The following VPS13D variants were observed in gnomAD, a reference collection of about 807,000 sequenced individuals.
VPS13D encodes intermembrane lipid transfer protein VPS13D.
VPS13D carries 187 observed loss-of-function variants against 461.9 expected under a neutral mutation model. The observed-to-expected ratio is 0.40, with a 90% CI of 0.36 to 0.46. The LOEUF is 0.46. VPS13D is among the 20% of genes least tolerant of loss of function. The pLI is 0.60. For missense variants in VPS13D, 4,711 were observed against 5,364.9 expected (o/e 0.88, Z 3.81); for synonymous variants, 1,951 against 1,986.3 (o/e 0.98, Z 0.47).
chr1:12,237,338 A>G (rs1640186542), intron 2 of VPS13D, among the ~76,000 whole-genome samples: 1 of 150,600 alleles, frequency 6.6e-6, no homozygotes, highest in Admixed American at 6.6e-5. Flanking sequence ...AAAAAAAAAA[A>G]AAAAATTAGC....
At chr1:12,300,539 C>T (rs1642396647) in intron 25 of VPS13D, among the ~76,000 whole-genome samples, 2 of 152,110 alleles carry the variant, frequency 1.3e-5, no homozygotes, top group African/African-American at 4.8e-5. Flanking sequence ...CATTAATTCG[C>T]TTAGGATTAT....
rs929353651 is a variant in VPS13D at position 12,473,561 on chromosome 1, G to A, written c.12662+13165G>A. Among the ~76,000 whole-genome samples the A allele has an allele frequency of 9.9e-5, 15 of 152,230 alleles. No individual in the cohort carries two copies. The highest frequency in any genetic ancestry group is 6.2e-4 in the South Asian group (3 of 4,814). ...TTCCTTTGAGTCATATGCCTACCTCGGTGGGTGGTTACGTGGATTAAATTA... is the reference window on the plus strand; with the variant it reads ...TTCCTTTGAGTCATATGCCTACCTCAGTGGGTGGTTACGTGGATTAAATTA... On this transcript the variant is annotated intron_variant, in intron 67 of 69. Coordinates refer to ENST00000620676, the MANE Select transcript of VPS13D (RefSeq NM_015378.4). The surrounding 1 kb of genome is among the most constrained non-coding windows in gnomAD (Gnocchi z 4.2).
At chr1:12,441,771 C>G (rs1275453360) in intron 65 of VPS13D, among the ~76,000 whole-genome samples, 3 of 152,148 alleles carry the variant, frequency 2.0e-5, no homozygotes, top group Non-Finnish European at 4.4e-5. Flanking sequence ...TCTGTTTAAG[C>G]GATAGCAGTC....
chr1:12,267,770 G>T, intron 14 of VPS13D, 75 bp from the exon 15 acceptor site: 2 of 1,301,646 alleles, frequency 1.5e-6, no homozygotes, highest in Non-Finnish European at 2.2e-6. Flanking sequence ...GTTGCTGAAG[G>T]GTAAGATGGG....
intron 49 of VPS13D, 131 bp downstream of exon 49, chr1:12,356,655 A>G (rs1643888306): frequency 1.7e-6 from 2 of 1,200,540 alleles, no homozygotes; most frequent in Admixed American, 6.0e-5. Context: ...GGGGAATAGA[A>G]CCATGACCTA....
chr1:12,499,207 G>A (rs974588441), intron 68 of VPS13D, among the ~76,000 whole-genome samples: 1 of 152,138 alleles, frequency 6.6e-6, no homozygotes, highest in Admixed American at 6.5e-5. Context: ...TGGCAGCCCT[G>A]TGAGGCTGGG....
At chr1:12,262,769 T>C (rs1641150672) in intron 13 of VPS13D, among the ~76,000 whole-genome samples, 1 of 151,888 alleles carries the variant, frequency 6.6e-6, no homozygotes, top group Non-Finnish European at 1.5e-5. Context: ...AGTGGCATGA[T>C]CTTGGCTCAC....
intron 29 of VPS13D, among the ~76,000 whole-genome samples, chr1:12,313,661 A>C (rs1642816424): frequency 6.6e-6 from 1 of 152,098 alleles, no homozygotes; most frequent in Non-Finnish European, 1.5e-5. Context: ...GAAGAGTATT[A>C]TTTGTTCCCA....
chr1:12,456,190 A>G, intron 66 of VPS13D, 60 bp downstream of exon 66: 1 of 1,548,808 alleles, frequency 6.5e-7, no homozygotes, highest in Non-Finnish European at 8.7e-7. Context: ...CCTTTGTATC[A>G]ATCTGATTGC....
rs147332908 is a variant in VPS13D at position 12,458,095 on chromosome 1, T to G, written c.12466+1965T>G. 4.6e-3 allele frequency among the ~76,000 whole-genome samples: 694 copies of G among 152,232 alleles called. 2 individuals carry two copies. The highest frequency in any genetic ancestry group is 8.3e-3 in the Non-Finnish European group (563 of 68,020). On this transcript the variant is annotated intron_variant, in intron 66 of 69. Coordinates refer to ENST00000620676, the MANE Select transcript of VPS13D (RefSeq NM_015378.4). ...GCATGATTGGTTCAAAGTTGCAAAATCACCTCCCATCAAGAATCATTCCTA... is the reference window on the plus strand; with the variant it reads ...GCATGATTGGTTCAAAGTTGCAAAAGCACCTCCCATCAAGAATCATTCCTA...
intron 37 of VPS13D, 151 bp from the exon 38 acceptor site, chr1:12,333,075 T>A (rs1643370688): frequency 2.3e-6 from 2 of 886,576 alleles, no homozygotes; most frequent in Non-Finnish European, 3.4e-6. Context: ...GACCTGTAGC[T>A]AAAGGTGGTT....
At chr1:12,418,603 T>C (rs1644824768) in intron 65 of VPS13D, among the ~76,000 whole-genome samples, 1 of 152,184 alleles carries the variant, frequency 6.6e-6, no homozygotes, top group Non-Finnish European at 1.5e-5. Context: ...TTCCTCACTG[T>C]GGAATAGAAA....
At position 12,356,099 on chromosome 1, in the gene VPS13D, A is replaced by G. The variant is rs200314814; in HGVS notation, c.9871+9A>G. ...GCTGATTAACAAAACAGGTACATAC[A>G]GGGGCTGCTCAAGTAGGTCTTTGGC... is the stretch of plus-strand genomic sequence containing the variant. On this transcript the variant is annotated intron_variant, in intron 48 of 69. Coordinates refer to ENST00000620676, the MANE Select transcript of VPS13D (RefSeq NM_015378.4). 1.4e-4 allele frequency: 225 copies of G among 1,594,344 alleles called. No individual in the cohort carries two copies. The highest frequency in any genetic ancestry group is 1.8e-4 in the Non-Finnish European group (209 of 1,167,970).
chr1:12,427,731 A>T (rs915555110), intron 65 of VPS13D, among the ~76,000 whole-genome samples: 7 of 152,146 alleles, frequency 4.6e-5, no homozygotes, highest in African/African-American at 1.7e-4. Flanking sequence ...ATGTCCAGGA[A>T]CCAGTTCCCA....
chr1:12,337,911 C>T lies in VPS13D; in HGVS notation c.8552-320C>T, dbSNP rs577749531. The stretch of plus-strand genomic sequence containing the variant: ...TTTTTAATGCCATTTAAGAACATAA[C>T]ACCTTTAAATTAAAAATCTTCAAAA... On this transcript the variant is annotated intron_variant, in intron 39 of 69. Transcript: ENST00000620676. 51 of 213,508 alleles carry T rather than the reference C, an allele frequency of 2.4e-4. No homozygotes were observed. In the South Asian group the frequency reaches 4.6e-3, roughly 19 times the overall value. 13.2% of individuals were successfully genotyped at this position (213,508 alleles called of 1,614,324 possible). A position where few individuals can be genotyped will look rare whatever the true frequency, so the allele number is the denominator to read the frequency against.
chr1:12,295,351 A>G (rs1265922862), intron 24 of VPS13D, among the ~76,000 whole-genome samples: 2 of 152,162 alleles, frequency 1.3e-5, no homozygotes, highest in Non-Finnish European at 2.9e-5. Context: ...CTTGGTAGAT[A>G]TTGATTTGGT....
intron 68 of VPS13D, among the ~76,000 whole-genome samples, chr1:12,503,554 A>G (rs1646062798): frequency 1.3e-5 from 2 of 152,214 alleles, no homozygotes; most frequent in Non-Finnish European, 2.9e-5. Flanking sequence ...AGAATCAATT[A>G]TAGTATCTAC....
intron 42 of VPS13D, among the ~76,000 whole-genome samples, chr1:12,343,417 G>A (rs906495234): frequency 2.0e-5 from 3 of 152,000 alleles, no homozygotes; most frequent in Non-Finnish European, 4.4e-5. Flanking sequence ...CAAGTGATCC[G>A]CTTCGGCTTC....
At chr1:12,396,419 A>T (rs1644500064) in intron 60 of VPS13D, among the ~76,000 whole-genome samples, 1 of 152,172 alleles carries the variant, frequency 6.6e-6, no homozygotes, top group Non-Finnish European at 1.5e-5. Flanking sequence ...CGACCTTTAC[A>T]ATTTTTGGCA....
Sources: gnomAD v4.1 joint callset for allele counts (sites outside exome capture counted in the v4.1 genomes callset) on GRCh38, gnomAD v4.1.1 for gene constraint, Gnocchi (gnomAD v3.1) non-coding constraint, MANE v1.5 for transcripts, NCBI Gene and HGNC (gene_info 2026-07-23, HGNC 2026-07-21) for gene names.